Variants in CCDC62 observed in about 807,000 individuals in gnomAD.
CCDC62 encodes the protein coiled-coil domain-containing protein 62.
CCDC62 carries 72 observed loss-of-function variants against 80.8 expected under a neutral mutation model. That is an observed-to-expected ratio of 0.89 (90% CI 0.74 to 1.08). The LOEUF is 1.08. Among genes scored for constraint, CCDC62 ranks in the 50% least tolerant of loss-of-function variants. The pLI, the probability that CCDC62 is intolerant of heterozygous loss-of-function variation, is 0.00. For synonymous variants in CCDC62, 286 were observed against 296.5 expected (o/e 0.96, Z 0.36); for missense variants, 704 against 809.4 (o/e 0.87, Z 1.58).
At chr12:122,793,706 C>T (rs1200723569) in intron 6 of CCDC62, among the ~76,000 whole-genome samples, 4 of 152,078 alleles carry the variant, frequency 2.6e-5, no homozygotes, top group South Asian at 2.1e-4. Flanking sequence ...CCCCTTGCCT[C>T]GGCCTCTCAA....
intron 11 of CCDC62, among the ~76,000 whole-genome samples, chr12:122,817,907 C>T (rs76906705): frequency 2.6e-5 from 4 of 152,070 alleles, no homozygotes; most frequent in African/African-American, 4.8e-5. Flanking sequence ...TCACTGTGAA[C>T]GCCTCAGGAC....
rs368935188 is a variant in CCDC62 at position 122,775,810 on chromosome 12, G to A, written c.36+1104G>A. ...GTGTTTTTAGTAGAGACAGGGTTTC[G>A]CCATGTTGGCCAGGCTGGTCTCGAA... On this transcript the variant is annotated intron_variant, in intron 1 of 12. Transcript: ENST00000253079. Among the ~76,000 whole-genome samples, 35 of 152,210 alleles carry A rather than the reference G, an allele frequency of 2.3e-4. 1 individual carries two copies. In the South Asian group the frequency reaches 5.4e-3, roughly 23 times the overall value.
intron 2 of CCDC62, 126 bp from the exon 3 acceptor site, chr12:122,781,037 AG>A (rs1174258068): frequency 7.4e-6 from 5 of 680,138 alleles, no homozygotes; most frequent in African/African-American, 1.8e-5. Context: ...TCATAATAAA[AG>A]GTTTTAAAAG....
chr12:122,788,366 C>T (rs1349689805), intron 4 of CCDC62, among the ~76,000 whole-genome samples: 1 of 152,094 alleles, frequency 6.6e-6, no homozygotes. Context: ...ATCCAGAGGA[C>T]GATTTTCCCA....
chr12:122,778,534 C>T (rs1331341765), intron 2 of CCDC62, among the ~76,000 whole-genome samples: 1 of 152,078 alleles, frequency 6.6e-6, no homozygotes, highest in Non-Finnish European at 1.5e-5. Context: ...AGAAAGATAA[C>T]CTTTTTTTAC....
intron 4 of CCDC62, among the ~76,000 whole-genome samples, chr12:122,786,251 C>T (rs7967318): frequency 0.43 from 66,017 of 151,890 alleles, 15,881 homozygotes; most frequent in Admixed American, 0.57. Context: ...AGGTTCACGC[C>T]ATTCTCCTGC....
In CCDC62 at chr12:122,801,599, G is replaced by A. The variant is rs2031312986; in HGVS notation, c.1453G>A (p.Glu485Lys). 6.2e-7 allele frequency: 1 copy of A among 1,614,164 alleles called. No homozygotes were observed. The highest frequency in any genetic ancestry group is 8.5e-7 in the Non-Finnish European group (1 of 1,180,034). ...AAAACATCCAGAAAAGCTGGATGTA[G>A]AATGTCAAGATCAGATGGAAAGGTC... ...SSKHPEKLDV[E>K]CQDQMERSEI... Residue 485 changes from glutamate to lysine, a missense_variant, in exon 9 of 13, where the codon GAA (glutamate) becomes AAA (lysine). Transcript: ENST00000253079.
intron 4 of CCDC62, 22 bp from the exon 5 acceptor site, chr12:122,788,736 C>A: frequency 6.9e-7 from 1 of 1,451,256 alleles, no homozygotes; most frequent in Non-Finnish European, 9.4e-7. Context: ...CTAGGATAAC[C>A]ATTTTCAAAT....
chr12:122,806,404 GTTTTTTTT>G, intron 10 of CCDC62, 109 bp downstream of exon 10: 1 of 438,128 alleles, frequency 2.3e-6, no homozygotes, highest in Non-Finnish European at 3.8e-6. Context: ...CTATTCCTCC[GTTTTTTTT>G]TTTTTTTTTT....
intron 5 of CCDC62, among the ~76,000 whole-genome samples, chr12:122,790,812 C>T (rs527829790): frequency 1.3e-5 from 2 of 152,278 alleles, no homozygotes; most frequent in South Asian, 2.1e-4. Flanking sequence ...GTAGGAGCTC[C>T]ACCCTGAGTC....
chr12:122,780,314 GAAAA>G (rs78834464), intron 2 of CCDC62, among the ~76,000 whole-genome samples: 3 of 97,504 alleles, frequency 3.1e-5, no homozygotes, highest in Non-Finnish European at 4.1e-5. Flanking sequence ...CCGTCTCAAC[GAAAA>G]AAAAAAAAAA....
intron 10 of CCDC62, among the ~76,000 whole-genome samples, chr12:122,810,404 C>T (rs1270895454): frequency 6.6e-6 from 1 of 152,172 alleles, no homozygotes; most frequent in African/African-American, 2.4e-5. Flanking sequence ...ATGCAGCCAA[C>T]AGACACATGA....
chr12:122,813,948 C>T (rs1028563867), intron 11 of CCDC62, among the ~76,000 whole-genome samples: 20 of 151,890 alleles, frequency 1.3e-4, no homozygotes, highest in South Asian at 4.2e-4. Context: ...TGAGCCACCA[C>T]GGCCAGCTGG....
intron 10 of CCDC62, among the ~76,000 whole-genome samples, chr12:122,812,777 GAGAAAGAAAGAAAGAAAGAA>G (rs71440217): frequency 6.9e-4 from 40 of 57,786 alleles, no homozygotes; most frequent in African/African-American, 3.0e-3. Flanking sequence ...GAGAGAGAGA[GAGAAAGAAAGAAAGAAAGAA>G]AGAAAGAAAG....
intron 6 of CCDC62, among the ~76,000 whole-genome samples, chr12:122,793,483 G>A (rs1046705883): frequency 2.6e-5 from 4 of 151,938 alleles, no homozygotes; most frequent in Non-Finnish European, 4.4e-5. Context: ...TGAGATACTG[G>A]GGGTAGGTAA....
At chr12:122,802,632 T>C (rs2031377147) in intron 9 of CCDC62, among the ~76,000 whole-genome samples, 1 of 152,000 alleles carries the variant, frequency 6.6e-6, no homozygotes, top group South Asian at 2.1e-4. Flanking sequence ...CAGGCTGGTC[T>C]TGAACTCCTG....
In CCDC62 at chr12:122,780,669, T is replaced by TAAAAA. The variant is rs1566067817; in HGVS notation, c.230-493_230-489dup. ...TAAAATAAAATAAAATAAAATAAAA[T>TAAAAA]AAAAAATAGAAATAAGCTTTGGCGT... On this transcript the variant is annotated intron_variant, in intron 2 of 12. Transcript: ENST00000253079. Among the ~76,000 whole-genome samples the TAAAAA allele has an allele frequency of 1.3e-4, 19 of 144,236 alleles. No individual in the cohort carries two copies. In the South Asian group the frequency reaches 3.9e-3, roughly 29 times the overall value. 94.6% of individuals were successfully genotyped at this position (144,236 alleles called of 152,430 possible).
At chr12:122,814,174 G>T (rs12367291) in intron 11 of CCDC62, among the ~76,000 whole-genome samples, 1 of 150,796 alleles carries the variant, frequency 6.6e-6, no homozygotes, top group East Asian at 2.0e-4. Context: ...CCAGCTACTC[G>T]GGAGGCTGAG....
At chr12:122,807,714 G>A (rs557832441) in intron 10 of CCDC62, among the ~76,000 whole-genome samples, 1 of 151,792 alleles carries the variant, frequency 6.6e-6, no homozygotes, top group South Asian at 2.1e-4. Context: ...CAGACTAATA[G>A]TGACACATTC....
Sources: gnomAD v4.1 joint callset for allele counts (sites outside exome capture counted in the v4.1 genomes callset) on GRCh38, gnomAD v4.1.1 for gene constraint, MANE v1.5 for transcripts, NCBI Gene and HGNC (gene_info 2026-07-23, HGNC 2026-07-21) for gene names.